ITPRID1: variants seen among roughly 807,000 people sequenced by gnomAD.
ITPRID1 encodes ITPR interacting domain containing 1.
A neutral mutation model predicts 95.4 loss-of-function variants in ITPRID1; 96 were observed. That is an observed-to-expected ratio of 1.01 (90% confidence interval 0.85 to 1.19). ITPRID1 has a LOEUF of 1.19. Ranked by LOEUF, ITPRID1 falls within the 50% of genes most tolerant of loss-of-function variation. The pLI, the probability that ITPRID1 is intolerant of heterozygous loss-of-function variation, is 0.00. For missense variants in ITPRID1, 1,339 were observed against 1,252.9 expected, an observed-to-expected ratio of 1.07 and a Z score of -1.04; for synonymous variants, 510 against 453.6, an observed-to-expected ratio of 1.12 and a Z score of -1.58.
rs1407589262 is a variant in ITPRID1 at position 31,554,904 on chromosome 7, A to G, written c.256+3A>G. 1.3e-6 allele frequency: 2 copies of G among 1,574,506 alleles called. No homozygotes were observed. The highest frequency in any genetic ancestry group is 2.3e-5 in the East Asian group (1 of 43,374). On this transcript the variant is annotated splice_donor_region_variant and intron_variant, in intron 5 of 14. Coordinates refer to ENST00000615280, the MANE Select transcript of ITPRID1 (RefSeq NM_001257967.3). ...TCAACAAGTCATTGACCGCACTGGT[A>G]AGACAAGAGAAGCAGTTATGCTTTG...
At chr7:31,532,953 A>G (rs1783646656) in intron 1 of ITPRID1, among the ~76,000 whole-genome samples, 1 of 152,178 alleles carries the variant, frequency 6.6e-6, no homozygotes, top group Admixed American at 6.5e-5. Flanking sequence ...ATCTATGTTT[A>G]TTAAGAATAC....
intron 10 of ITPRID1, among the ~76,000 whole-genome samples, chr7:31,584,900 ATGT>A (rs1399071302): frequency 2.0e-5 from 3 of 152,198 alleles, no homozygotes; most frequent in Non-Finnish European, 4.4e-5. Context: ...AGCAGCAGTG[ATGT>A]TGTGCTAGTT....
At chr7:31,594,879 G>A (rs776024085) in intron 10 of ITPRID1, among the ~76,000 whole-genome samples, 1 of 151,390 alleles carries the variant, frequency 6.6e-6, no homozygotes, top group Non-Finnish European at 1.5e-5. Flanking sequence ...AAAAAAAGGG[G>A]GAGCTTTTAA....
chr7:31,642,969 C>G lies in ITPRID1; in HGVS notation c.1599C>G (p.Cys533Trp), dbSNP rs1488154672. ...ACAKTTTRGE[C>W]PRKDSHLWQL... ...CCAAGACCACCACGAGGGGAGAATG[C>G]CCAAGGAAAGACAGCCATCTGTGGC... is the stretch of plus-strand genomic sequence containing the variant. Residue 533 changes from cysteine (C) to tryptophan (W), a missense_variant, in exon 12 of 15, where the codon TGC (cysteine) becomes TGG (tryptophan). Physicochemically the swap from Cys to Trp is radical, Grantham distance 215. Coordinates refer to ENST00000615280, the MANE Select transcript of ITPRID1 (RefSeq NM_001257967.3). 1.4e-5 allele frequency: 22 copies of G among 1,613,890 alleles called. No homozygotes were observed. Among genetic ancestry groups the G allele is most frequent in the Non-Finnish European group, 1.8e-5 (21 of 1,179,890 alleles).
chr7:31,519,620 C>CTCTATATA, intron 1 of ITPRID1, among the ~76,000 whole-genome samples: 25 of 25,264 alleles, frequency 9.9e-4, no homozygotes, highest in African/African-American at 1.8e-3. Flanking sequence ...CTCTCTCTCT[C>CTCTATATA]TATATATATA....
rs1264551879 is a variant in ITPRID1, at chr7:31,642,936, G to A, written c.1566G>A (p.Met522Ile). The A allele has an allele frequency of 3.7e-6, 6 of 1,614,042 alleles. No individual in the cohort carries two copies. The South Asian group carries it at 5.5e-5, about 15-fold the overall frequency. ...EGPPELYIPD[M>I]ACAKTTTRGE... is the part of the protein sequence containing the mutation. ...CACCAGAGCTGTATATCCCAGACAT[G>A]GCCTGTGCCAAGACCACCACGAGGG... The change falls in exon 12 of 15, where the codon ATG becomes ATA. Residue 522 changes from methionine to isoleucine, a missense_variant. Transcript: ENST00000615280.
intron 10 of ITPRID1, among the ~76,000 whole-genome samples, chr7:31,609,327 A>T (rs1182139567): frequency 1.3e-5 from 2 of 151,610 alleles, no homozygotes; most frequent in Non-Finnish European, 3.0e-5. Flanking sequence ...CCAGAGAATA[A>T]GTTGGGATGT....
At chr7:31,571,314 C>T (rs1259448701) in intron 6 of ITPRID1, among the ~76,000 whole-genome samples, 1 of 152,158 alleles carries the variant, frequency 6.6e-6, no homozygotes, top group African/African-American at 2.4e-5. Context: ...GCGTGGCCAC[C>T]ATGCCTGGCC....
intron 12 of ITPRID1, among the ~76,000 whole-genome samples, chr7:31,645,313 G>A (rs78109119): frequency 0.022 from 3,340 of 152,284 alleles, 125 homozygotes; most frequent in African/African-American, 0.076. Context: ...TAAATGTGAT[G>A]TAAAGAGAGT....
At chr7:31,528,038 C>A (rs1358960781) in intron 1 of ITPRID1, among the ~76,000 whole-genome samples, 1 of 151,934 alleles carries the variant, frequency 6.6e-6, no homozygotes, top group East Asian at 1.9e-4. Flanking sequence ...TAAAAAAATC[C>A]CATGATGCAC....
Position 31,521,620 on chromosome 7 carries a change from C to CCTTCCTTCCTTCCT in ITPRID1, c.-98+7500_-98+7501insCTTCCTTCCTTCCT, listed in dbSNP as rs1783254246. Among the ~76,000 whole-genome samples, 9 of 69,728 alleles carry CCTTCCTTCCTTCCT rather than the reference C, an allele frequency of 1.3e-4. 1 individual carries two copies. The highest frequency in any genetic ancestry group is 2.7e-4 in the Admixed American group (2 of 7,498). 45.7% of individuals were successfully genotyped at this position (69,728 alleles called of 152,430 possible). ...GTTTGTCCAGCTTTTTCTCCTTTCCCTCCTTCCTTCCTTCCTTCCTTCCTT... is the reference window on the plus strand; with the variant it reads ...GTTTGTCCAGCTTTTTCTCCTTTCCCCTTCCTTCCTTCCTTCCTTCCTTCCTTCCTTCCTTCCTT... On this transcript the variant is annotated intron_variant, in intron 1 of 14. Coordinates refer to ENST00000615280, the MANE Select transcript of ITPRID1 (RefSeq NM_001257967.3).
chr7:31,554,825 T>G (rs1464415294), intron 4 of ITPRID1, 33 bp from the exon 5 acceptor site: 1 of 1,519,296 alleles, frequency 6.6e-7, no homozygotes, highest in Non-Finnish European at 9.0e-7. Context: ...TTACACACAT[T>G]GTTTGACTCA....
chr7:31,635,420 C>T, intron 10 of ITPRID1, among the ~76,000 whole-genome samples: 1 of 152,216 alleles, frequency 6.6e-6, no homozygotes, highest in Non-Finnish European at 1.5e-5. Flanking sequence ...TAAGCCTCTA[C>T]ACCTGAGAGA....
At chr7:31,609,247 T>A (rs1429154220) in intron 10 of ITPRID1, among the ~76,000 whole-genome samples, 1 of 151,690 alleles carries the variant, frequency 6.6e-6, no homozygotes, top group Non-Finnish European at 1.5e-5. Context: ...TTAGGATTTT[T>A]ACATCTATAT....
chr7:31,631,068 A>G (rs1212506797), intron 10 of ITPRID1, among the ~76,000 whole-genome samples: 1 of 152,232 alleles, frequency 6.6e-6, no homozygotes, highest in Admixed American at 6.5e-5. Context: ...AGAAATTAAA[A>G]GTTTTTAAAA....
intron 10 of ITPRID1, among the ~76,000 whole-genome samples, chr7:31,617,828 G>GAAGATTGGAGACTATTTAAA (rs1787410081): frequency 6.6e-6 from 1 of 152,214 alleles, no homozygotes; most frequent in South Asian, 2.1e-4. Flanking sequence ...GACTATTTAA[G>GAAGATTGGAGACTATTTAAA]TTTCAGAAGA....
chr7:31,620,252 GCAGTGGTTCTCC>G (rs1787716964), intron 10 of ITPRID1, among the ~76,000 whole-genome samples: 1 of 152,122 alleles, frequency 6.6e-6, no homozygotes, highest in Non-Finnish European at 1.5e-5. Flanking sequence ...TTTGAAGAGA[GCAGTGGTTCTCC>G]CAGCATGCAG....
chr7:31,565,272 A>T (rs954097979), intron 5 of ITPRID1, among the ~76,000 whole-genome samples: 2 of 152,220 alleles, frequency 1.3e-5, no homozygotes, highest in Non-Finnish European at 2.9e-5. Context: ...ATCTTTAATA[A>T]TTTTATAACA....
chr7:31,516,037 C>T (rs924936699), intron 1 of ITPRID1, among the ~76,000 whole-genome samples: 8 of 151,782 alleles, frequency 5.3e-5, no homozygotes, highest in Admixed American at 5.2e-4. Flanking sequence ...GACCTTGCAG[C>T]AAATTAAATA....
Sources: gnomAD v4.1 joint callset for allele counts (sites outside exome capture counted in the v4.1 genomes callset) on GRCh38, gnomAD v4.1.1 for gene constraint, MANE v1.5 for transcripts, NCBI Gene and HGNC (gene_info 2026-07-23, HGNC 2026-07-21) for gene names.